DLGAP2: variants seen among roughly 807,000 people sequenced by gnomAD.
DLGAP2 encodes the protein DLG associated protein 2, also known as disks large-associated protein 2.
DLGAP2 carries 26 observed loss-of-function variants against 100.3 expected under a neutral mutation model. That is an observed-to-expected ratio of 0.26 (90% CI 0.19 to 0.36). DLGAP2 has a LOEUF of 0.36. Among genes scored for constraint, DLGAP2 ranks in the 10% least tolerant of loss-of-function variants. The probability of loss-of-function intolerance (pLI) is 1.00; values close to 1 mark genes in which losing one functional copy is unlikely to be tolerated. For synonymous variants in DLGAP2, 886 were observed against 630.1 expected (o/e 1.41, Z -6.08); for missense variants, 1,858 against 1,453.2 (o/e 1.28, Z -4.53).
At chr8:1,432,366 G>A (rs1797477114) in intron 3 of DLGAP2, among the ~76,000 whole-genome samples, 1 of 152,126 alleles carries the variant, frequency 6.6e-6, no homozygotes, top group Admixed American at 6.5e-5. Context: ...AATGGTAGAG[G>A]GGATGAAACA....
intron 2 of DLGAP2, among the ~76,000 whole-genome samples, chr8:1,255,486 G>A (rs200395521): frequency 3.3e-5 from 3 of 90,364 alleles, no homozygotes; most frequent in Non-Finnish European, 6.1e-5. Context: ...GTGTGTGTGT[G>A]TCCTCATCTT....
intron 6 of DLGAP2, chr8:1,621,468 C>G (rs1194109137): frequency 6.6e-6 from 1 of 152,280 alleles, no homozygotes; most frequent in Non-Finnish European, 1.5e-5. Flanking sequence ...TGGGGTCAGC[C>G]CCGTTGGGAC....
chr8:1,026,137 G>A (rs747687335), intron 2 of DLGAP2, among the ~76,000 whole-genome samples: 24 of 152,302 alleles, frequency 1.6e-4, no homozygotes, highest in South Asian at 1.5e-3. Flanking sequence ...AACATGCTGC[G>A]AGTGGCGTTG....
chr8:1,519,036 A>G (rs929299183), intron 4 of DLGAP2, among the ~76,000 whole-genome samples: 1 of 152,296 alleles, frequency 6.6e-6, no homozygotes, highest in African/African-American at 2.4e-5. Flanking sequence ...GATCTCAACA[A>G]CGAGCCACAG....
intron 3 of DLGAP2, among the ~76,000 whole-genome samples, chr8:1,346,687 C>A (rs546948358): frequency 6.1e-5 from 8 of 131,460 alleles, no homozygotes; most frequent in Admixed American, 4.3e-4. Flanking sequence ...TACAGAGCTG[C>A]TTTAAACTCA....
chr8:1,471,578 G>A (rs1305475891), intron 3 of DLGAP2, among the ~76,000 whole-genome samples: 1 of 124,480 alleles, frequency 8.0e-6, no homozygotes, highest in Non-Finnish European at 1.7e-5. Flanking sequence ...CCCCTCCCCA[G>A]CCTCCCTCCT....
At chr8:1,323,422 G>T (rs972994572) in intron 3 of DLGAP2, among the ~76,000 whole-genome samples, 1 of 152,198 alleles carries the variant, frequency 6.6e-6, no homozygotes, top group African/African-American at 2.4e-5. Flanking sequence ...TTGAGTCTGG[G>T]TGGCCCCGGT....
intron 8 of DLGAP2, among the ~76,000 whole-genome samples, chr8:1,663,579 C>T (rs937744399): frequency 2.0e-5 from 3 of 152,110 alleles, no homozygotes; most frequent in African/African-American, 7.2e-5. Flanking sequence ...GTGAGATTTC[C>T]CTGTCCACAG....
intron 1 of DLGAP2, among the ~76,000 whole-genome samples, chr8:747,378 G>A (rs1820649456): frequency 6.6e-6 from 1 of 151,994 alleles, no homozygotes; most frequent in Non-Finnish European, 1.5e-5. Flanking sequence ...CGCCAGTCAC[G>A]CGATGGGCTT....
chr8:1,549,654 C>T lies in DLGAP2; in HGVS notation c.1201C>T (p.Pro401Ser), dbSNP rs769129102. The change falls in exon 5 of 15, where the codon CCC becomes TCC. Residue 401 changes from proline to serine, a missense_variant. Transcript: ENST00000637795. ...DKPLLHQDAK[P>S]ALRPCHYLQV... ...GCCGCTGCTGCACCAGGACGCCAAG[C>T]CCGCCCTGAGGCCGTGCCACTACCT... is the stretch of plus-strand genomic sequence containing the variant. 2.5e-6 allele frequency: 4 copies of T among 1,568,996 alleles called. No homozygotes were observed. Among genetic ancestry groups the T allele is most frequent in the African/African-American group, 2.7e-5 (2 of 73,798 alleles).
At chr8:1,234,122 A>T (rs1306784733) in intron 2 of DLGAP2, among the ~76,000 whole-genome samples, 1 of 152,222 alleles carries the variant, frequency 6.6e-6, no homozygotes, top group Non-Finnish European at 1.5e-5. Flanking sequence ...TGCTATAAAG[A>T]GGAATTAAGT....
intron 4 of DLGAP2, among the ~76,000 whole-genome samples, chr8:1,507,394 C>G (rs1584965351): frequency 6.6e-6 from 1 of 152,280 alleles, no homozygotes; most frequent in South Asian, 2.1e-4. Flanking sequence ...AGCTGCTGGC[C>G]CAGGTGCTGA....
At chr8:1,053,242 C>T (rs1161332088) in intron 2 of DLGAP2, among the ~76,000 whole-genome samples, 2 of 152,160 alleles carry the variant, frequency 1.3e-5, no homozygotes, top group Admixed American at 6.5e-5. Flanking sequence ...GGTGACTGGC[C>T]AGTCTATTTG....
intron 3 of DLGAP2, among the ~76,000 whole-genome samples, chr8:1,481,820 T>TA (rs1376842139): frequency 6.6e-6 from 1 of 152,150 alleles, no homozygotes; most frequent in Non-Finnish European, 1.5e-5. Context: ...AAGGGGAATT[T>TA]AAAAAATCTC....
rs73170457 is a variant in DLGAP2 at position 1,325,231 on chromosome 8, A to G, written c.106+66348A>G. Among the ~76,000 whole-genome samples, 596 of 152,284 alleles carry G rather than the reference A, an allele frequency of 3.9e-3. 1 individual carries two copies. The highest frequency in any genetic ancestry group is 0.01 in the Middle Eastern group (3 of 294). On this transcript the variant is annotated intron_variant, in intron 3 of 14. Coordinates refer to ENST00000637795, the MANE Select transcript of DLGAP2 (RefSeq NM_001346810.2). ...CTGAGATGTTCAATGTCGCAATGAG[A>G]CAGTCATTCCACGACCCCAAGAGTG...
chr8:796,253 T>G (rs1211991800), intron 1 of DLGAP2, among the ~76,000 whole-genome samples: 1 of 152,112 alleles, frequency 6.6e-6, no homozygotes, highest in African/African-American at 2.4e-5. Flanking sequence ...GGCTCCCCGG[T>G]GATGAGCTGA....
intron 3 of DLGAP2, among the ~76,000 whole-genome samples, chr8:1,410,909 A>G (rs1414794989): frequency 6.6e-6 from 1 of 151,380 alleles, no homozygotes; most frequent in African/African-American, 2.4e-5. Context: ...CCTGGTGAAC[A>G]TGTAAATATC....
chr8:1,272,526 T>G (rs1014342963), intron 3 of DLGAP2, among the ~76,000 whole-genome samples: 1 of 152,170 alleles, frequency 6.6e-6, no homozygotes, highest in African/African-American at 2.4e-5. Context: ...ACATCTGTGT[T>G]CCATATAAAT....
intron 3 of DLGAP2, among the ~76,000 whole-genome samples, chr8:1,349,972 AT>A (rs1209824519): frequency 1.3e-5 from 2 of 152,018 alleles, no homozygotes; most frequent in African/African-American, 4.8e-5. Context: ...CAGAGGCTCT[AT>A]TTTTTTTCAG....
Sources: gnomAD v4.1 joint callset for allele counts (sites outside exome capture counted in the v4.1 genomes callset) on GRCh38, gnomAD v4.1.1 for gene constraint, MANE v1.5 for transcripts, NCBI Gene and HGNC (gene_info 2026-07-23, HGNC 2026-07-21) for gene names.